Variants in WDPCP observed in about 807,000 individuals in gnomAD.
WDPCP encodes the protein WD repeat containing planar cell polarity effector.
Under a neutral mutation model 93.1 loss-of-function variants are expected in WDPCP, and 71 were observed. The ratio of observed to expected loss-of-function variants is 0.76; its 90% confidence interval spans 0.63 to 0.93. The LOEUF is 0.93. WDPCP is among the 40% of genes least tolerant of loss of function. WDPCP has a pLI of 0.00. For synonymous variants in WDPCP, 315 were observed against 315.0 expected, an observed-to-expected ratio of 1.00 and a Z score of 0.00; for missense variants, 844 against 887.4, an observed-to-expected ratio of 0.95 and a Z score of 0.62.
At chr2:63,566,752 G>T (rs1707091273) in intron 1 of WDPCP, among the ~76,000 whole-genome samples, 1 of 152,170 alleles carries the variant, frequency 6.6e-6, no homozygotes, top group African/African-American at 2.4e-5. Context: ...TAAGAGCTCA[G>T]TCCCACAAGA....
intron 2 of WDPCP, among the ~76,000 whole-genome samples, chr2:63,695,693 A>G (rs1447588601): frequency 6.6e-6 from 1 of 152,112 alleles, no homozygotes; most frequent in African/African-American, 2.4e-5. Flanking sequence ...AGTTCATTGA[A>G]CTTTCACAAA....
At chr2:63,699,063 C>A (rs6741298) in intron 2 of WDPCP, among the ~76,000 whole-genome samples, 2 of 151,838 alleles carry the variant, frequency 1.3e-5, no homozygotes, top group African/African-American at 4.8e-5. Context: ...CCAAGCAACA[C>A]GGTTTCCCAG....
chr2:63,171,814 A>C (rs1673407230), intron 15 of WDPCP, among the ~76,000 whole-genome samples: 1 of 152,226 alleles, frequency 6.6e-6, no homozygotes, highest in African/African-American at 2.4e-5. Context: ...TGAGTGGATA[A>C]GCAAAATGTG....
chr2:63,515,596 C>A (rs1241187364), intron 1 of WDPCP, among the ~76,000 whole-genome samples: 1 of 152,168 alleles, frequency 6.6e-6, no homozygotes, highest in Non-Finnish European at 1.5e-5. Flanking sequence ...TAAATCTTGG[C>A]AAATTTGGAA....
At chr2:63,207,744 C>T (rs1403359449) in intron 14 of WDPCP, among the ~76,000 whole-genome samples, 1 of 152,090 alleles carries the variant, frequency 6.6e-6, no homozygotes, top group Non-Finnish European at 1.5e-5. Context: ...TCATGATGTG[C>T]TCTTTCATTA....
intron 2 of WDPCP, among the ~76,000 whole-genome samples, chr2:63,762,802 A>G (rs1171078202): frequency 6.6e-6 from 1 of 152,192 alleles, no homozygotes; most frequent in Non-Finnish European, 1.5e-5. Context: ...ATCACTTCTT[A>G]AGGGCTCCAC....
At chr2:63,804,551 G>T (rs949466712) in intron 2 of WDPCP, among the ~76,000 whole-genome samples, 1 of 149,748 alleles carries the variant, frequency 6.7e-6, no homozygotes, top group African/African-American at 2.4e-5. Context: ...CACCTCGCCC[G>T]ACCCAAGCCA....
intron 3 of WDPCP, among the ~76,000 whole-genome samples, chr2:63,649,416 T>C (rs1710085845): frequency 2.0e-5 from 3 of 152,266 alleles, no homozygotes; most frequent in Non-Finnish European, 4.4e-5. Flanking sequence ...TCATTGTATG[T>C]ATTTGCCACA....
At chr2:63,702,329 G>C (rs982941501) in intron 2 of WDPCP, among the ~76,000 whole-genome samples, 5 of 152,226 alleles carry the variant, frequency 3.3e-5, no homozygotes, top group South Asian at 2.1e-4. Flanking sequence ...CCCAGCCAAA[G>C]ACAAATATTT....
upstream of WDPCP, among the ~76,000 whole-genome samples, chr2:63,830,784 G>A (rs1199138883): frequency 6.6e-6 from 1 of 151,910 alleles, no homozygotes; most frequent in Non-Finnish European, 1.5e-5. Flanking sequence ...CTTTTTCTAT[G>A]TGACCTCTAA....
chr2:63,269,553 G>A (rs1465472632), intron 13 of WDPCP, among the ~76,000 whole-genome samples: 3 of 152,088 alleles, frequency 2.0e-5, no homozygotes, highest in African/African-American at 4.8e-5. Context: ...AGCATTTAAA[G>A]CTAAAAAAAT....
intron 2 of WDPCP, among the ~76,000 whole-genome samples, chr2:63,755,735 A>G (rs1381589729): frequency 1.3e-5 from 2 of 152,236 alleles, no homozygotes; most frequent in Non-Finnish European, 2.9e-5. Context: ...TTTTCAATTT[A>G]AGTAACTGAC....
intron 9 of WDPCP, among the ~76,000 whole-genome samples, chr2:63,407,406 G>C (rs963152852): frequency 2.6e-5 from 4 of 152,192 alleles, no homozygotes; most frequent in Non-Finnish European, 5.9e-5. Context: ...CTCTAAATCA[G>C]ATGAGAGGCT....
At position 63,328,449 on chromosome 2, in the gene WDPCP, A is replaced by G. The variant is rs548548516; in HGVS notation, c.1749-15138T>C. 5.9e-5 allele frequency among the ~76,000 whole-genome samples: 9 copies of G among 152,320 alleles called. No homozygotes were observed. In the East Asian group the frequency reaches 1.7e-3, roughly 29 times the overall value. On this transcript the variant is annotated intron_variant, in intron 12 of 17. Coordinates refer to ENST00000272321, the MANE Select transcript of WDPCP (RefSeq NM_015910.7). Reference sequence around the variant, plus strand: ...CTTCACTCCTGAAGTCCGCGAGACCACAAATCCACCGGGAGGAACAAACAA... The same window carrying G: ...CTTCACTCCTGAAGTCCGCGAGACCGCAAATCCACCGGGAGGAACAAACAA...
chr2:63,307,132 T>C (rs1685803100), intron 13 of WDPCP, among the ~76,000 whole-genome samples: 2 of 152,118 alleles, frequency 1.3e-5, no homozygotes, highest in South Asian at 4.1e-4. Flanking sequence ...TGAACTCCCA[T>C]TCATAATTGC....
upstream of WDPCP, chr2:63,593,551 T>A: frequency 2.1e-6 from 1 of 471,362 alleles, no homozygotes; most frequent in Non-Finnish European, 4.4e-6. Context: ...GACTCTCATC[T>A]GGAAGAAGGA....
intron 10 of WDPCP, among the ~76,000 whole-genome samples, chr2:63,383,075 A>G (rs1692446499): frequency 1.3e-5 from 2 of 152,144 alleles, no homozygotes; most frequent in African/African-American, 4.8e-5. Flanking sequence ...GAACTCATCT[A>G]TTGAGAAGAA....
At chr2:63,550,542 TA>T (rs1303265510) in intron 1 of WDPCP, among the ~76,000 whole-genome samples, 1 of 152,014 alleles carries the variant, frequency 6.6e-6, no homozygotes, top group Non-Finnish European at 1.5e-5. Flanking sequence ...CACTTTTCCT[TA>T]AGTACCATTT....
At chr2:63,563,356 TAACCACTGTAGTATGGAA>T (rs1706775233) in intron 1 of WDPCP, among the ~76,000 whole-genome samples, 1 of 151,848 alleles carries the variant, frequency 6.6e-6, no homozygotes, top group Non-Finnish European at 1.5e-5. Flanking sequence ...TTTAATGGAA[TAACCACTGTAGTATGGAA>T]ATGAAAAAAT....
Sources: allele counts gnomAD v4.1 joint callset (sites outside exome capture counted in the v4.1 genomes callset), GRCh38; gene constraint gnomAD v4.1.1; transcripts MANE v1.5; gene names NCBI Gene and HGNC (gene_info 2026-07-23, HGNC 2026-07-21).